The following CNTN4 variants were observed in gnomAD, a reference collection of about 807,000 sequenced individuals.
The protein encoded by CNTN4 is contactin 4.
A neutral mutation model predicts 122.5 loss-of-function variants in CNTN4; 77 were observed. The ratio of observed to expected loss-of-function variants is 0.63; its 90% confidence interval spans 0.52 to 0.76. The LOEUF (loss-of-function observed/expected upper bound fraction) is 0.76. Ranked by LOEUF, CNTN4 falls within the 30% of genes least tolerant of loss-of-function variation. CNTN4 has a pLI of 0.00. For synonymous variants in CNTN4, 512 were observed against 447.0 expected (o/e 1.15, Z -1.83); for missense variants, 1,256 against 1,259.1 (o/e 1.00, Z 0.04).
At chr3:2,784,174 CGT>C (rs2091717405) in intron 6 of CNTN4, among the ~76,000 whole-genome samples, 1 of 152,076 alleles carries the variant, frequency 6.6e-6, no homozygotes, top group Non-Finnish European at 1.5e-5. Flanking sequence ...GAAACTCAAA[CGT>C]GTGTGGGGAC....
At chr3:2,990,153 T>C (rs1166625992) in intron 14 of CNTN4, among the ~76,000 whole-genome samples, 2 of 152,198 alleles carry the variant, frequency 1.3e-5, no homozygotes, top group African/African-American at 2.4e-5. Flanking sequence ...GAAATATTAA[T>C]AGTTGTTTTG....
At chr3:2,694,422 C>T (rs1023075832) in intron 4 of CNTN4, among the ~76,000 whole-genome samples, 30 of 152,150 alleles carry the variant, frequency 2.0e-4, no homozygotes, top group African/African-American at 7.0e-4. Context: ...CTTTACATTC[C>T]CAGAAATCAT....
intron 3 of CNTN4, among the ~76,000 whole-genome samples, chr3:2,465,262 A>G (rs1393310883): frequency 2.0e-5 from 3 of 152,232 alleles, no homozygotes; most frequent in African/African-American, 7.2e-5. Context: ...CATGAAGACT[A>G]ACTAACTGTT....
chr3:2,859,637 C>G (rs1559590039), intron 7 of CNTN4, among the ~76,000 whole-genome samples: 1 of 151,658 alleles, frequency 6.6e-6, no homozygotes, highest in Non-Finnish European at 1.5e-5. Flanking sequence ...TGATACAGTT[C>G]TGAGAGCAGA....
intron 4 of CNTN4, among the ~76,000 whole-genome samples, chr3:2,724,933 G>A (rs944408155): frequency 3.9e-5 from 6 of 151,966 alleles, no homozygotes; most frequent in African/African-American, 1.4e-4. Flanking sequence ...GCTGGGGAAA[G>A]AAACGGTGGT....
chr3:3,031,222 G>T (rs923859878), intron 16 of CNTN4, among the ~76,000 whole-genome samples: 13 of 152,122 alleles, frequency 8.5e-5, no homozygotes, highest in African/African-American at 3.1e-4. Flanking sequence ...AGTAAATCGA[G>T]TACCCGATTA....
chr3:2,164,613 T>C (rs2036116358), intron 2 of CNTN4, among the ~76,000 whole-genome samples: 1 of 152,160 alleles, frequency 6.6e-6, no homozygotes, highest in African/African-American at 2.4e-5. Flanking sequence ...AGAAAATGTA[T>C]ACAAAAGTTG....
chr3:2,278,702 CT>C (rs1440716721), intron 2 of CNTN4, among the ~76,000 whole-genome samples: 1 of 152,134 alleles, frequency 6.6e-6, no homozygotes, highest in Non-Finnish European at 1.5e-5. Flanking sequence ...TGCAAGACCC[CT>C]GTGCCTAATC....
intron 4 of CNTN4, among the ~76,000 whole-genome samples, chr3:2,729,354 G>A (rs922060373): frequency 1.3e-5 from 2 of 151,694 alleles, no homozygotes; most frequent in African/African-American, 4.9e-5. Context: ...CACGAGGTCA[G>A]GAGATTGAGA....
chr3:2,309,783 T>C (rs2042848270), intron 2 of CNTN4, among the ~76,000 whole-genome samples: 1 of 152,164 alleles, frequency 6.6e-6, no homozygotes, highest in Admixed American at 6.5e-5. Flanking sequence ...AACAAGCAAG[T>C]TATGTCTAAT....
intron 3 of CNTN4, among the ~76,000 whole-genome samples, chr3:2,529,894 G>A (rs1396077166): frequency 6.6e-6 from 1 of 152,112 alleles, no homozygotes; most frequent in Non-Finnish European, 1.5e-5. Context: ...ACAGCTGCTG[G>A]TTTGATTCCA....
chr3:2,760,664 G>T lies in CNTN4; in HGVS notation c.358+14967G>T, dbSNP rs143272694. ...ATCAAAGAAATATGATGCTCACATC[G>T]CATGAGCTATGGACTCTATCCTACA... On this transcript the variant is annotated intron_variant, in intron 6 of 24. Coordinates refer to ENST00000418658, the MANE Select transcript of CNTN4 (RefSeq NM_175607.3). 8.9e-4 allele frequency among the ~76,000 whole-genome samples: 136 copies of T among 152,248 alleles called. 1 individual carries two copies. Among genetic ancestry groups the T allele is most frequent in the Middle Eastern group, 6.8e-3 (2 of 294 alleles).
intron 2 of CNTN4, among the ~76,000 whole-genome samples, chr3:2,187,442 G>C (rs1486481104): frequency 3.9e-5 from 6 of 152,046 alleles, no homozygotes; most frequent in Non-Finnish European, 7.4e-5. Flanking sequence ...GTCCTTGAAG[G>C]CAGCTCTAAT....
Position 2,743,823 on chromosome 3 carries a change from G to C in CNTN4, c.183-1699G>C, listed in dbSNP as rs139474819. Among the ~76,000 whole-genome samples, 7 of 152,210 alleles carry C rather than the reference G, an allele frequency of 4.6e-5. No homozygotes were observed. In the East Asian group the frequency reaches 9.7e-4, roughly 21 times the overall value. ...GGTTAATTTTTGTTGTTTTTGTTTT[G>C]AGATGAGGTCTCGCTCTGTTGCCCA... On this transcript the variant is annotated intron_variant, in intron 5 of 24. Coordinates refer to ENST00000418658, the MANE Select transcript of CNTN4 (RefSeq NM_175607.3).
At chr3:2,301,472 T>C (rs1445762361) in intron 2 of CNTN4, among the ~76,000 whole-genome samples, 1 of 152,250 alleles carries the variant, frequency 6.6e-6, no homozygotes, top group Non-Finnish European at 1.5e-5. Context: ...TAAATGGTTC[T>C]GCTCTATATC....
chr3:2,602,443 C>G (rs1240103715), intron 4 of CNTN4, among the ~76,000 whole-genome samples: 2 of 152,100 alleles, frequency 1.3e-5, no homozygotes, highest in African/African-American at 4.8e-5. Flanking sequence ...TTCCTATACA[C>G]CAATAACAGA....
At chr3:2,112,248 C>T (rs1441688680) in intron 2 of CNTN4, among the ~76,000 whole-genome samples, 1 of 152,108 alleles carries the variant, frequency 6.6e-6, no homozygotes, top group Non-Finnish European at 1.5e-5. Context: ...GAAATGCTGA[C>T]AGTGACAGAG....
chr3:2,895,227 C>T (rs1415607976), intron 10 of CNTN4, among the ~76,000 whole-genome samples: 4 of 152,078 alleles, frequency 2.6e-5, no homozygotes, highest in African/African-American at 9.7e-5. Context: ...CCACCTGCCT[C>T]GGCCTCCCAA....
At chr3:2,250,984 C>A (rs2149680303) in intron 2 of CNTN4, among the ~76,000 whole-genome samples, 1 of 151,952 alleles carries the variant, frequency 6.6e-6, no homozygotes, top group South Asian at 2.1e-4. Flanking sequence ...AAGAGAAATT[C>A]TGCTGATAAT....
Sources: allele counts gnomAD v4.1 joint callset (sites outside exome capture counted in the v4.1 genomes callset), GRCh38; gene constraint gnomAD v4.1.1; transcripts MANE v1.5; gene names NCBI Gene and HGNC (gene_info 2026-07-23, HGNC 2026-07-21).